TTBK2: variants seen among roughly 807,000 people sequenced by gnomAD.
TTBK2 encodes tau-tubulin kinase 2.
TTBK2 carries 28 observed loss-of-function variants against 110.8 expected under a neutral mutation model. That is an observed-to-expected ratio of 0.25 (90% CI 0.19 to 0.35). The LOEUF (loss-of-function observed/expected upper bound fraction) is 0.35. TTBK2 is among the 10% of genes least tolerant of loss of function. The pLI is 1.00. For missense variants in TTBK2, 1,369 were observed against 1,500.3 expected, an observed-to-expected ratio of 0.91 and a Z score of 1.45; for synonymous variants, 532 against 527.3, an observed-to-expected ratio of 1.01 and a Z score of -0.12.
In TTBK2 at chr15:42,912,527, G is replaced by C. The variant is rs543034922; in HGVS notation, c.-68+7911C>G. On this transcript the variant is annotated intron_variant, in intron 1 of 14. Transcript: ENST00000267890. ...AGTTCAAGACCAGTCTGGCCAACAT[G>C]ATGAAACCCCATCTCTACTAAAAAT... 6.6e-4 allele frequency among the ~76,000 whole-genome samples: 100 copies of C among 152,188 alleles called. 2 individuals are homozygous for C. In the South Asian group the frequency reaches 0.02, roughly 31 times the overall value.
rs762126085 is a variant in TTBK2 at position 42,872,719 on chromosome 15, C to G, written c.109G>C (p.Asp37His). ...IGGGGFGEIY[D>H]ALDMLTRENV... ...TCCCTGGTGAGCATGTCCAAGGCAT[C>G]GTAAATTTCTCCAAAGCCCCCACCC... is the stretch of plus-strand genomic sequence containing the variant. Residue 37 changes from aspartate to histidine, a missense_variant, in exon 3 of 15, where the codon GAT becomes CAT. Physicochemically the swap from Asp to His is moderately conservative, Grantham distance 81. This residue lies in a region of TTBK2 where 122 missense variants were observed against 159.7 expected (regional missense o/e 0.76). Coordinates refer to ENST00000267890, the MANE Select transcript of TTBK2 (RefSeq NM_173500.4). The G allele has an allele frequency of 6.2e-7, 1 of 1,614,028 alleles. No individual in the cohort carries two copies.
chr15:42,878,492 T>TATAC (rs1894907546), intron 2 of TTBK2, 57 bp downstream of exon 2: 3 of 1,542,410 alleles, frequency 1.9e-6, no homozygotes, highest in African/African-American at 2.8e-5. Flanking sequence ...CCGATATGTA[T>TATAC]ACACACACAC....
chr15:42,891,426 A>T (rs943557866), intron 1 of TTBK2, among the ~76,000 whole-genome samples: 11 of 149,754 alleles, frequency 7.3e-5, no homozygotes, highest in Non-Finnish European at 1.5e-4. Flanking sequence ...CTCCCACCTC[A>T]GTCTCCTAAA....
At chr15:42,833,257 A>G (rs1375082512) in intron 4 of TTBK2, among the ~76,000 whole-genome samples, 1 of 151,120 alleles carries the variant, frequency 6.6e-6, no homozygotes, top group Non-Finnish European at 1.5e-5. Flanking sequence ...TAAAAAAAAA[A>G]AAAAAAAAAA....
At chr15:42,800,811 A>AG (rs1032194554) in intron 9 of TTBK2, among the ~76,000 whole-genome samples, 22 of 150,880 alleles carry the variant, frequency 1.5e-4, no homozygotes, top group Non-Finnish European at 2.1e-4. Flanking sequence ...GGCATGGGCA[A>AG]GGGGGGGTCC....
intron 13 of TTBK2, among the ~76,000 whole-genome samples, chr15:42,755,187 C>T (rs1227390346): frequency 6.6e-6 from 1 of 151,882 alleles, no homozygotes; most frequent in African/African-American, 2.4e-5. Flanking sequence ...TGTAAGTAGG[C>T]TGAAAATAAC....
intron 3 of TTBK2, among the ~76,000 whole-genome samples, chr15:42,847,875 C>T (rs1893532135): frequency 6.6e-6 from 1 of 152,102 alleles, no homozygotes; most frequent in Non-Finnish European, 1.5e-5. Context: ...TATTTTTAGA[C>T]AGGATCTCAC....
intron 13 of TTBK2, among the ~76,000 whole-genome samples, chr15:42,762,135 C>A (rs1006601078): frequency 6.6e-6 from 1 of 152,140 alleles, no homozygotes; most frequent in African/African-American, 2.4e-5. Flanking sequence ...TCCAATTAAA[C>A]CTCTTTCTTT....
In TTBK2 at chr15:42,816,090, ATATAT is replaced by A. The variant is rs1567040843; in HGVS notation, c.603+937_603+941del. Among the ~76,000 whole-genome samples, 290 of 96,796 alleles carry A rather than the reference ATATAT, an allele frequency of 3.0e-3. 5 individuals carry two copies. The highest frequency in any genetic ancestry group is 0.015 in the African/African-American group (272 of 18,744). The allele number at this position is 96,796 out of a possible 152,430, so 63.5% of individuals were successfully genotyped here. A position where few individuals can be genotyped will look rare whatever the true frequency, so the allele number is the denominator to read the frequency against. On this transcript the variant is annotated intron_variant, in intron 7 of 14. Coordinates refer to ENST00000267890, the MANE Select transcript of TTBK2 (RefSeq NM_173500.4). ...TATATAAAAATAAATAAATAAATAT[ATATAT>A]ATATATATATATATATATATATATG... is the stretch of plus-strand genomic sequence containing the variant.
rs372888347 is a variant in TTBK2, at chr15:42,763,755, G to T, written c.1999-10508C>A. ...TTGGCCAATGTGGATTGAGGTGAGGGTGGATGGGGAAGAGTGGGGAAGGCA... is the reference window on the plus strand; with the variant it reads ...TTGGCCAATGTGGATTGAGGTGAGGTTGGATGGGGAAGAGTGGGGAAGGCA... On this transcript the variant is annotated intron_variant, in intron 13 of 14. Transcript: ENST00000267890. Among the ~76,000 whole-genome samples, 118 of 152,308 alleles carry T rather than the reference G, an allele frequency of 7.7e-4. 2 individuals carry two copies. In the East Asian group the frequency reaches 0.014, roughly 18 times the overall value.
At chr15:42,832,945 A>G (rs1892823959) in intron 4 of TTBK2, among the ~76,000 whole-genome samples, 1 of 152,178 alleles carries the variant, frequency 6.6e-6, no homozygotes, top group African/African-American at 2.4e-5. Flanking sequence ...TACATAAATA[A>G]TAGTACAGTC....
At chr15:42,901,929 A>G (rs889920388) in intron 1 of TTBK2, among the ~76,000 whole-genome samples, 5 of 152,106 alleles carry the variant, frequency 3.3e-5, no homozygotes, top group African/African-American at 1.2e-4. Context: ...CAAAACCACA[A>G]TGAGGGCCAG....
At chr15:42,848,978 C>T (rs1350309696) in intron 3 of TTBK2, among the ~76,000 whole-genome samples, 1 of 152,102 alleles carries the variant, frequency 6.6e-6, no homozygotes, top group African/African-American at 2.4e-5. Flanking sequence ...TTGGGATTTT[C>T]TATATAGACA....
chr15:42,769,825 C>T (rs970403812), intron 13 of TTBK2, among the ~76,000 whole-genome samples: 1 of 152,114 alleles, frequency 6.6e-6, no homozygotes, highest in Non-Finnish European at 1.5e-5. Context: ...TTTATTGTGG[C>T]ACTATTCACA....
chr15:42,762,648 T>C (rs2062046572), intron 13 of TTBK2, among the ~76,000 whole-genome samples: 1 of 151,678 alleles, frequency 6.6e-6, no homozygotes, highest in South Asian at 2.1e-4. Context: ...ACCCGGGAGG[T>C]GGTGGCTGCA....
chr15:42,791,489 G>A (rs1475563103), intron 10 of TTBK2, among the ~76,000 whole-genome samples: 1 of 140,802 alleles, frequency 7.1e-6, no homozygotes, highest in Non-Finnish European at 1.5e-5. Context: ...CATTCTCTCA[G>A]GGTTTTTTCT....
At chr15:42,791,260 C>T (rs1284214279) in intron 10 of TTBK2, among the ~76,000 whole-genome samples, 1 of 152,152 alleles carries the variant, frequency 6.6e-6, no homozygotes, top group Non-Finnish European at 1.5e-5. Flanking sequence ...CTTTGTGACT[C>T]GCCTGCCTCA....
intron 3 of TTBK2, among the ~76,000 whole-genome samples, chr15:42,858,496 A>G (rs1894030969): frequency 1.3e-5 from 2 of 152,232 alleles, no homozygotes; most frequent in Non-Finnish European, 2.9e-5. Context: ...TTCATTATAT[A>G]ATTCTATTTT....
At chr15:42,887,753 A>G (rs940298017) in intron 1 of TTBK2, among the ~76,000 whole-genome samples, 3 of 151,484 alleles carry the variant, frequency 2.0e-5, no homozygotes, top group Admixed American at 6.6e-5. Context: ...ATTCCTTTGC[A>G]CCCTTCATCA....
Sources: allele counts gnomAD v4.1 joint callset (sites outside exome capture counted in the v4.1 genomes callset), GRCh38; gene constraint gnomAD v4.1.1; regional missense constraint gnomAD v4.1.1; transcripts MANE v1.5; gene names NCBI Gene and HGNC (gene_info 2026-07-23, HGNC 2026-07-21).